AGBL1: variants seen among roughly 807,000 people sequenced by gnomAD.
The protein encoded by AGBL1 is cytosolic carboxypeptidase 4.
AGBL1 carries 130 observed loss-of-function variants against 118.9 expected under a neutral mutation model. The ratio of observed to expected loss-of-function variants is 1.09; its 90% CI spans 0.95 to 1.26. The LOEUF (loss-of-function observed/expected upper bound fraction) is 1.26. Among genes scored for constraint, AGBL1 ranks in the 50% most tolerant of loss-of-function variants. AGBL1 has a pLI of 0.00. For synonymous variants in AGBL1, 555 were observed against 478.9 expected (o/e 1.16, Z -2.08); for missense variants, 1,584 against 1,298.1 (o/e 1.22, Z -3.38).
intron 22 of AGBL1, among the ~76,000 whole-genome samples, chr15:86,683,005 T>C (rs1212512651): frequency 2.0e-5 from 3 of 152,170 alleles, no homozygotes; most frequent in African/African-American, 7.2e-5. Context: ...GAATCTACTT[T>C]TGCCTAACTC....
intron 22 of AGBL1, among the ~76,000 whole-genome samples, chr15:86,863,900 G>A (rs1467972844): frequency 6.6e-6 from 1 of 152,178 alleles, no homozygotes; most frequent in East Asian, 1.9e-4. Context: ...TCATAGGTTT[G>A]TTACGTGAAG....
intron 22 of AGBL1, among the ~76,000 whole-genome samples, chr15:86,846,116 G>A (rs1009897893): frequency 2.0e-5 from 3 of 152,036 alleles, no homozygotes; most frequent in Admixed American, 1.3e-4. Flanking sequence ...TTTCCTTTTT[G>A]TCTCTTCATG....
At chr15:86,784,384 A>C (rs2078376829) in intron 22 of AGBL1, among the ~76,000 whole-genome samples, 1 of 152,212 alleles carries the variant, frequency 6.6e-6, no homozygotes, top group East Asian at 1.9e-4. Flanking sequence ...AATAATAGCC[A>C]ACATTTATTT....
intron 21 of AGBL1, among the ~76,000 whole-genome samples, chr15:86,558,217 C>T (rs1277796426): frequency 1.3e-5 from 2 of 152,176 alleles, no homozygotes; most frequent in Non-Finnish European, 2.9e-5. Context: ...CGAGATCCCT[C>T]CTTAGGACCC....
chr15:86,312,785 A>G (rs2141826769), intron 17 of AGBL1, among the ~76,000 whole-genome samples: 3 of 152,288 alleles, frequency 2.0e-5, no homozygotes, highest in Admixed American at 2.0e-4. Context: ...GTAAAGCCCT[A>G]ATTAGAAAGA....
At chr15:86,693,693 T>C (rs1021304797) in intron 22 of AGBL1, among the ~76,000 whole-genome samples, 4 of 152,148 alleles carry the variant, frequency 2.6e-5, no homozygotes, top group Admixed American at 1.3e-4. Flanking sequence ...AGAGGGTCTT[T>C]TCCAATGTTA....
At chr15:86,546,520 T>C (rs1179254845) in intron 20 of AGBL1, among the ~76,000 whole-genome samples, 1 of 152,138 alleles carries the variant, frequency 6.6e-6, no homozygotes, top group Non-Finnish European at 1.5e-5. Flanking sequence ...ATGAGGATAG[T>C]AAAAATACTG....
At chr15:86,659,561 G>T (rs114567304) in intron 21 of AGBL1, among the ~76,000 whole-genome samples, 4 of 152,022 alleles carry the variant, frequency 2.6e-5, no homozygotes, top group Non-Finnish European at 4.4e-5. Context: ...TACCCGCCAC[G>T]GCGTCTTTAA....
intron 18 of AGBL1, among the ~76,000 whole-genome samples, chr15:86,522,013 G>A (rs1251716324): frequency 6.6e-6 from 1 of 152,078 alleles, no homozygotes; most frequent in East Asian, 1.9e-4. Flanking sequence ...GTGGTTGTGG[G>A]TTTTTAGGAT....
At chr15:86,731,127 G>A (rs1289579186) in intron 22 of AGBL1, among the ~76,000 whole-genome samples, 11 of 152,032 alleles carry the variant, frequency 7.2e-5, no homozygotes, top group African/African-American at 1.2e-4. Flanking sequence ...CACTGCACCC[G>A]GCCTTATATA....
intron 22 of AGBL1, among the ~76,000 whole-genome samples, chr15:86,811,871 C>G (rs1385026303): frequency 1.3e-5 from 2 of 152,218 alleles, no homozygotes; most frequent in Non-Finnish European, 2.9e-5. Flanking sequence ...GAACCCACTT[C>G]ATATCTACCA....
intron 18 of AGBL1, among the ~76,000 whole-genome samples, chr15:86,433,264 TTC>T (rs1491018604): frequency 1.0e-4 from 12 of 120,478 alleles, no homozygotes; most frequent in Admixed American, 2.9e-4. Flanking sequence ...CTCCTCCTTC[TTC>T]TTTTTTTTTT....
At chr15:86,193,836 G>T (rs1312722451) in intron 5 of AGBL1, among the ~76,000 whole-genome samples, 1 of 152,158 alleles carries the variant, frequency 6.6e-6, no homozygotes, top group Non-Finnish European at 1.5e-5. Context: ...CCAACCTCTT[G>T]TCATAAACAC....
chr15:86,905,170 G>A (rs1017474364), intron 22 of AGBL1, among the ~76,000 whole-genome samples: 1 of 148,912 alleles, frequency 6.7e-6, no homozygotes, highest in African/African-American at 2.6e-5. Flanking sequence ...TATTACATCT[G>A]GTATGTCTAA....
intron 5 of AGBL1, among the ~76,000 whole-genome samples, chr15:86,187,762 T>C (rs1350717029): frequency 2.0e-5 from 3 of 152,196 alleles, no homozygotes; most frequent in Non-Finnish European, 4.4e-5. Context: ...GCTCAACCAA[T>C]GCACTATCCC....
chr15:86,948,063 A>G lies in AGBL1; in HGVS notation c.3222-39924A>G, dbSNP rs555950158. On this transcript the variant is annotated intron_variant, in intron 23 of 24. Coordinates refer to the AGBL1 transcript ENST00000441037. ...CTTTCAATTCTGCAATTCTGTGGCT[A>G]TACTGGTTTAACATTTTACGGCATG... 1.3e-4 allele frequency among the ~76,000 whole-genome samples: 20 copies of G among 152,324 alleles called. No individual in the cohort carries two copies. In the South Asian group the frequency reaches 4.1e-3, roughly 32 times the overall value.
At chr15:87,016,231 G>T (rs976169390) in intron 24 of AGBL1, among the ~76,000 whole-genome samples, 1 of 147,504 alleles carries the variant, frequency 6.8e-6, no homozygotes, top group Non-Finnish European at 1.5e-5. Context: ...ATAAGGCCCA[G>T]GAATTGGGAT....
intron 18 of AGBL1, among the ~76,000 whole-genome samples, chr15:86,407,169 T>C (rs889969851): frequency 8.5e-5 from 13 of 152,242 alleles, no homozygotes; most frequent in Non-Finnish European, 1.9e-4. Context: ...ATTTTTTATA[T>C]TTATAACTTC....
At chr15:86,305,653 T>G (rs1156390419) in intron 17 of AGBL1, among the ~76,000 whole-genome samples, 1 of 152,218 alleles carries the variant, frequency 6.6e-6, no homozygotes, top group Non-Finnish European at 1.5e-5. Flanking sequence ...TTCCTCCTAT[T>G]ACTACTCCTC....
Sources: gnomAD v4.1 joint callset for allele counts (sites outside exome capture counted in the v4.1 genomes callset) on GRCh38, gnomAD v4.1.1 for gene constraint, MANE v1.5 for transcripts, NCBI Gene and HGNC (gene_info 2026-07-23, HGNC 2026-07-21) for gene names.